Variants in FHOD3 observed in about 807,000 individuals in gnomAD.
The protein encoded by FHOD3 is formin homology 2 domain containing 3.
Under a neutral mutation model 173.0 loss-of-function variants are expected in FHOD3, and 90 were observed. The ratio of observed to expected loss-of-function variants is 0.52; its 90% confidence interval spans 0.44 to 0.62. FHOD3 has a LOEUF of 0.62. Among genes scored for constraint, FHOD3 ranks in the 20% least tolerant of loss-of-function variants. The pLI is 0.00. For missense variants in FHOD3, 1,945 were observed against 2,034.7 expected (o/e 0.96, Z 0.85); for synonymous variants, 828 against 823.0 (o/e 1.01, Z -0.10).
intron 3 of FHOD3, among the ~76,000 whole-genome samples, chr18:36,472,021 C>T (rs2053314266): frequency 6.6e-6 from 1 of 152,118 alleles, no homozygotes; most frequent in East Asian, 1.9e-4. Context: ...AGGATAAAAT[C>T]CTCAAACTCA....
At chr18:36,501,887 A>G (rs145778263) in intron 3 of FHOD3, 45 bp from the exon 4 acceptor site, 6 of 1,335,118 alleles carry the variant, frequency 4.5e-6, no homozygotes, top group Middle Eastern at 3.8e-4. Context: ...TTCACTGTCA[A>G]TAGAGTCAGT....
intron 5 of FHOD3, among the ~76,000 whole-genome samples, chr18:36,575,776 A>G (rs1419694426): frequency 6.6e-6 from 1 of 152,212 alleles, no homozygotes; most frequent in Non-Finnish European, 1.5e-5. Flanking sequence ...ATGTTTACTT[A>G]AAAAACATAG....
chr18:36,370,420 C>T, intron 2 of FHOD3, among the ~76,000 whole-genome samples: 1 of 151,926 alleles, frequency 6.6e-6, no homozygotes, highest in East Asian at 1.9e-4. Flanking sequence ...AAAGATGACC[C>T]CTCCAGGATG....
chr18:36,359,935 A>G (rs2046529854), intron 2 of FHOD3, among the ~76,000 whole-genome samples: 1 of 152,260 alleles, frequency 6.6e-6, no homozygotes, highest in Non-Finnish European at 1.5e-5. Flanking sequence ...AAGATGATAC[A>G]TTGAAATGGG....
chr18:36,520,165 C>T (rs2056205853), intron 5 of FHOD3, among the ~76,000 whole-genome samples: 1 of 152,016 alleles, frequency 6.6e-6, no homozygotes, highest in South Asian at 2.1e-4. Context: ...TACTATGTTT[C>T]CCAGGCTGGT....
chr18:36,375,727 C>T (rs574858449), intron 3 of FHOD3, among the ~76,000 whole-genome samples: 36 of 152,264 alleles, frequency 2.4e-4, no homozygotes, highest in East Asian at 9.7e-4. Flanking sequence ...GGCTCTGCTT[C>T]GATGGTTACA....
At chr18:36,605,902 T>A (rs1055525198) in intron 8 of FHOD3, among the ~76,000 whole-genome samples, 1 of 152,220 alleles carries the variant, frequency 6.6e-6, no homozygotes, top group East Asian at 1.9e-4. Context: ...ATGGAATTTT[T>A]AAAAATGGAC....
intron 5 of FHOD3, among the ~76,000 whole-genome samples, chr18:36,553,615 T>C (rs553989220): frequency 2.6e-5 from 4 of 152,308 alleles, no homozygotes; most frequent in East Asian, 1.9e-4. Flanking sequence ...TAGAGGTGTT[T>C]ATAGTATTCT....
chr18:36,449,650 CT>C (rs1284397420), intron 3 of FHOD3, among the ~76,000 whole-genome samples: 5 of 152,162 alleles, frequency 3.3e-5, no homozygotes, highest in African/African-American at 1.2e-4. Flanking sequence ...CCTAAAACAA[CT>C]TTTAGTGTTT....
chr18:36,415,351 A>G (rs2049579458), intron 3 of FHOD3, among the ~76,000 whole-genome samples: 1 of 152,168 alleles, frequency 6.6e-6, no homozygotes, highest in Non-Finnish European at 1.5e-5. Flanking sequence ...AATCAGCAAA[A>G]TTGACTTAGG....
At chr18:36,554,103 G>A (rs2057774179) in intron 5 of FHOD3, among the ~76,000 whole-genome samples, 1 of 152,110 alleles carries the variant, frequency 6.6e-6, no homozygotes, top group South Asian at 2.1e-4. Flanking sequence ...TCTAGAACTA[G>A]AAACACCATT....
At chr18:36,339,004 A>G (rs991368978) in intron 1 of FHOD3, among the ~76,000 whole-genome samples, 3 of 152,026 alleles carry the variant, frequency 2.0e-5, no homozygotes, top group Non-Finnish European at 4.4e-5. Context: ...GCCCAGCCTG[A>G]GACTTCTGCT....
intron 3 of FHOD3, among the ~76,000 whole-genome samples, chr18:36,435,988 C>T (rs891803256): frequency 2.0e-5 from 3 of 152,098 alleles, no homozygotes; most frequent in Admixed American, 6.5e-5. Flanking sequence ...CAAATCAGTG[C>T]ACTCCTTCCT....
intron 5 of FHOD3, among the ~76,000 whole-genome samples, chr18:36,561,959 G>GTGTATTGTAT (rs36233913): frequency 0.1 from 13,224 of 127,036 alleles, 980 homozygotes; most frequent in Middle Eastern, 0.13. Context: ...CTACTACACT[G>GTGTATTGTAT]TGTATTGTAT....
rs571908088 is a variant in FHOD3 at position 36,568,876 on chromosome 18, C to A, written c.512-7575C>A. Reference sequence around the variant, plus strand: ...TGCATGGGAAAAGATAGATCACCACCCCTGGGCCAAGTTGATACAGATACT... The same window carrying A: ...TGCATGGGAAAAGATAGATCACCACACCTGGGCCAAGTTGATACAGATACT... On this transcript the variant is annotated intron_variant, in intron 5 of 28. Transcript: ENST00000590592. Among the ~76,000 whole-genome samples the A allele has an allele frequency of 3.3e-5, 5 of 152,178 alleles. No homozygotes were observed. The South Asian group carries it at 1.0e-3, about 32-fold the overall frequency.
chr18:36,344,741 T>C (rs1012417718), intron 1 of FHOD3, among the ~76,000 whole-genome samples: 3 of 152,186 alleles, frequency 2.0e-5, no homozygotes, highest in Non-Finnish European at 1.5e-5. Context: ...GATATATTTT[T>C]ATTAAAAATT....
intron 10 of FHOD3, among the ~76,000 whole-genome samples, chr18:36,635,404 G>A (rs764038072): frequency 3.9e-5 from 6 of 152,196 alleles, no homozygotes; most frequent in Non-Finnish European, 8.8e-5. Context: ...GTGAAAATCA[G>A]TGTAGTGTTT....
Position 36,576,493 on chromosome 18 carries a change from T to A in FHOD3, c.554T>A (p.Val185Glu). 1 of 1,613,878 alleles carries A rather than the reference T, an allele frequency of 6.2e-7. No homozygotes were observed. Among genetic ancestry groups the A allele is most frequent in the Non-Finnish European group, 8.5e-7 (1 of 1,179,916 alleles). The change falls in exon 6 of 29, where the codon GTA (valine) becomes GAA (glutamate). Residue 185 changes from valine to glutamate, a missense_variant. Around this residue, in one of 5 missense-constraint regions of FHOD3, gnomAD observed 245 missense variants for 267.7 expected, o/e 0.92. Coordinates refer to ENST00000590592, the MANE Select transcript of FHOD3 (RefSeq NM_001281740.3). The stretch of plus-strand genomic sequence containing the variant: ...TTGTATGTGGATGGAATGAATGGAG[T>A]AATAAACCGCAATGAAACCATTCAG... The part of the protein sequence containing the change: ...IMLYVDGMNG[V>E]INRNETIQWL...
intron 1 of FHOD3, among the ~76,000 whole-genome samples, chr18:36,320,975 G>A (rs182260917): frequency 3.9e-4 from 60 of 152,236 alleles, no homozygotes; most frequent in African/African-American, 1.4e-3. Context: ...GAGGTAACCA[G>A]TGCCATCTCC....
Sources: allele counts gnomAD v4.1 joint callset (sites outside exome capture counted in the v4.1 genomes callset), GRCh38; gene constraint gnomAD v4.1.1; regional missense constraint gnomAD v4.1.1; transcripts MANE v1.5; gene names NCBI Gene and HGNC (gene_info 2026-07-23, HGNC 2026-07-21).